The following FUT8 variants were observed in gnomAD, a reference collection of about 807,000 sequenced individuals.
FUT8 encodes the protein fucosyltransferase 8.
Under a neutral mutation model 71.3 loss-of-function variants are expected in FUT8, and 29 were observed. The observed-to-expected ratio is 0.41, with a 90% confidence interval of 0.30 to 0.55. FUT8 has a LOEUF of 0.55. Among genes scored for constraint, FUT8 ranks in the 20% least tolerant of loss-of-function variants. FUT8 has a pLI of 0.34. For missense variants in FUT8, 544 were observed against 702.1 expected (o/e 0.77, Z 2.55); for synonymous variants, 254 against 239.3 (o/e 1.06, Z -0.57).
At chr14:65,517,958 T>C (rs1594726553) in intron 2 of FUT8, among the ~76,000 whole-genome samples, 1 of 87,940 alleles carries the variant, frequency 1.1e-5, no homozygotes, top group Non-Finnish European at 2.4e-5. Context: ...GCAGAGCTGC[T>C]TTGTGGTGAT....
At chr14:65,680,047 T>C (rs2268961) in intron 7 of FUT8, among the ~76,000 whole-genome samples, 53,927 of 152,120 alleles carry the variant, frequency 0.35, 11,862 homozygotes, top group Non-Finnish European at 0.5. Flanking sequence ...ATAGGATATA[T>C]AGTGAGATAG....
intron 10 of FUT8, among the ~76,000 whole-genome samples, chr14:65,739,685 A>G (rs1896395783): frequency 6.6e-6 from 1 of 152,038 alleles, no homozygotes; most frequent in South Asian, 2.1e-4. Flanking sequence ...GGTTTACCCA[A>G]GACTGTCTTT....
intron 2 of FUT8, among the ~76,000 whole-genome samples, chr14:65,458,923 G>A (rs2065933684): frequency 1.3e-5 from 2 of 151,514 alleles, no homozygotes; most frequent in Non-Finnish European, 2.9e-5. Flanking sequence ...CAAATAGCTG[G>A]GATTACAGAT....
chr14:65,699,083 A>C (rs962553434), intron 7 of FUT8, among the ~76,000 whole-genome samples: 1 of 151,474 alleles, frequency 6.6e-6, no homozygotes, highest in African/African-American at 2.4e-5. Context: ...ATCTAATAGA[A>C]TCTATTTGAG....
At chr14:65,426,259 C>T (rs1326129569) in intron 1 of FUT8, among the ~76,000 whole-genome samples, 2 of 151,456 alleles carry the variant, frequency 1.3e-5, no homozygotes, top group East Asian at 1.9e-4. Flanking sequence ...TAATGTCCTT[C>T]GGGTTCATCC....
At chr14:65,589,775 A>G (rs1455834872) in intron 3 of FUT8, among the ~76,000 whole-genome samples, 2 of 152,126 alleles carry the variant, frequency 1.3e-5, no homozygotes, top group Non-Finnish European at 2.9e-5. Flanking sequence ...GACTGGTTCA[A>G]CTTCACTCAC....
chr14:65,399,103 G>A, the FUT8 span, among the ~76,000 whole-genome samples: 1 of 152,190 alleles, frequency 6.6e-6, no homozygotes, highest in Non-Finnish European at 1.5e-5. Context: ...TGGATCACGA[G>A]GTCAGGAGTT....
chr14:65,403,394 G>A, the FUT8 span, among the ~76,000 whole-genome samples: 1 of 152,138 alleles, frequency 6.6e-6, no homozygotes, highest in African/African-American at 2.4e-5. Flanking sequence ...ATATGGCCTT[G>A]TTCCCATGGA....
intron 6 of FUT8, among the ~76,000 whole-genome samples, chr14:65,634,284 A>G (rs1890412610): frequency 1.3e-5 from 2 of 152,056 alleles, no homozygotes; most frequent in African/African-American, 4.8e-5. Context: ...GTGCTCTCTG[A>G]AACATGTGCT....
intron 3 of FUT8, among the ~76,000 whole-genome samples, chr14:65,578,207 A>G (rs1248327726): frequency 6.6e-6 from 1 of 152,102 alleles, no homozygotes. Flanking sequence ...TTATTCTTTT[A>G]CCCGACTATA....
At chr14:65,590,686 A>G (rs184868614) in intron 3 of FUT8, among the ~76,000 whole-genome samples, 22 of 152,326 alleles carry the variant, frequency 1.4e-4, no homozygotes, top group Admixed American at 1.2e-3. Context: ...CTAAAACACT[A>G]CCACATAACT....
At chr14:65,438,708 C>G (rs2065597469) in intron 1 of FUT8, among the ~76,000 whole-genome samples, 1 of 152,162 alleles carries the variant, frequency 6.6e-6, no homozygotes, top group Non-Finnish European at 1.5e-5. Flanking sequence ...ATCCTTCACA[C>G]CTCCATCTAA....
intron 5 of FUT8, among the ~76,000 whole-genome samples, chr14:65,618,800 A>G (rs1229640103): frequency 6.6e-6 from 1 of 152,160 alleles, no homozygotes; most frequent in African/African-American, 2.4e-5. Flanking sequence ...CTAGGTCTGT[A>G]GCTGGGACCA....
chr14:65,450,465 A>G (rs988603339), intron 1 of FUT8, among the ~76,000 whole-genome samples: 1 of 152,210 alleles, frequency 6.6e-6, no homozygotes, highest in Non-Finnish European at 1.5e-5. Flanking sequence ...GTTAGTCTAC[A>G]GCAGATCTTG....
intron 2 of FUT8, among the ~76,000 whole-genome samples, chr14:65,482,971 T>C (rs1218761625): frequency 6.6e-6 from 1 of 152,174 alleles, no homozygotes; most frequent in Non-Finnish European, 1.5e-5. Context: ...GTTTTCACCA[T>C]TATCAGGCTT....
chr14:65,605,728 T>C (rs1888548488), intron 3 of FUT8, among the ~76,000 whole-genome samples: 2 of 151,818 alleles, frequency 1.3e-5, no homozygotes, highest in African/African-American at 4.8e-5. Context: ...AACAAATTAA[T>C]ATGTGAGATT....
At chr14:65,457,775 A>G (rs2065913186) in intron 2 of FUT8, 1 of 152,210 alleles carries the variant, frequency 6.6e-6, no homozygotes, top group South Asian at 2.1e-4. Context: ...ATCGGGTTCT[A>G]AGTCATGAGT....
At chr14:65,694,179 TCA>T (rs991948412) in intron 7 of FUT8, among the ~76,000 whole-genome samples, 6 of 152,200 alleles carry the variant, frequency 3.9e-5, no homozygotes, top group Non-Finnish European at 8.8e-5. Flanking sequence ...TTTTCTATTT[TCA>T]GTTTCATTGA....
At chr14:65,618,051 A>ATATCTATATATATG (rs1555376254) in intron 5 of FUT8, among the ~76,000 whole-genome samples, 1 of 84,294 alleles carries the variant, frequency 1.2e-5, no homozygotes, top group Non-Finnish European at 2.5e-5. Flanking sequence ...ATATATATAT[A>ATATCTATATATATG]TATGTATGTA....
Sources: allele counts gnomAD v4.1 joint callset (sites outside exome capture counted in the v4.1 genomes callset), GRCh38; gene constraint gnomAD v4.1.1; transcripts MANE v1.5; gene names NCBI Gene and HGNC (gene_info 2026-07-23, HGNC 2026-07-21).